PXK: variants seen among roughly 807,000 people sequenced by gnomAD.
PXK encodes the protein PX domain containing serine/threonine kinase like.
PXK carries 35 observed loss-of-function variants against 84.7 expected under a neutral mutation model. The observed-to-expected ratio is 0.41, with a 90% confidence interval of 0.32 to 0.55. The LOEUF is 0.55. PXK is among the 20% of genes least tolerant of loss of function. The probability of loss-of-function intolerance (pLI) is 0.21; values close to 1 mark genes in which losing one functional copy is unlikely to be tolerated. For missense variants in PXK, 634 were observed against 699.7 expected, an observed-to-expected ratio of 0.91 and a Z score of 1.06; for synonymous variants, 253 against 260.8, an observed-to-expected ratio of 0.97 and a Z score of 0.29.
At chr3:58,422,856 C>CGA (rs915647391) in intron 17 of PXK, 8 of 985,320 alleles carry the variant, frequency 8.1e-6, no homozygotes, top group Non-Finnish European at 9.6e-6. Flanking sequence ...CCGCCGCAGC[C>CGA]GAGAGCCTGT....
chr3:58,398,149 C>T lies in PXK; in HGVS notation c.1102+427C>T, dbSNP rs962963264. ...GGCATGGTGGCTCACACCTGTAATC[C>T]CAGCACTTTGGAAGGCCGAGGTGGG... On this transcript the variant is annotated intron_variant, in intron 11 of 17. Transcript: ENST00000356151. The surrounding 1 kb of genome is among the most constrained non-coding windows in gnomAD (Gnocchi z 4.5). Among the ~76,000 whole-genome samples the T allele has an allele frequency of 3.3e-5, 5 of 152,130 alleles. No individual in the cohort carries two copies. The highest frequency in any genetic ancestry group is 1.5e-5 in the Non-Finnish European group (1 of 68,034).
intron 1 of PXK, among the ~76,000 whole-genome samples, chr3:58,340,093 C>G (rs1403640482): frequency 6.6e-6 from 1 of 150,764 alleles, no homozygotes; most frequent in South Asian, 2.1e-4. Flanking sequence ...ACTGGGATTA[C>G]AGGCCCCAGC....
intron 17 of PXK, chr3:58,423,423 G>C (rs1487620250): frequency 1.3e-6 from 2 of 1,522,464 alleles, no homozygotes; most frequent in Non-Finnish European, 1.8e-6. Context: ...AGATTGCAGA[G>C]CATGAGCGTG....
chr3:58,334,070 C>G (rs1378229807), intron 1 of PXK, among the ~76,000 whole-genome samples: 1 of 152,094 alleles, frequency 6.6e-6, no homozygotes, highest in Non-Finnish European at 1.5e-5. Flanking sequence ...GTTTGTTTAC[C>G]ATTGCAGTGT....
rs758233737 is a variant in PXK at position 58,400,998 on chromosome 3, A to C, written c.1181+1621A>C. ...CACACAAACTTTTCTAGCAAAATGC[A>C]CTTGTACTTAGGAAATAGCCTATAT... On this transcript the variant is annotated intron_variant, in intron 12 of 17. Transcript: ENST00000356151. The surrounding 1 kb of genome is among the most constrained non-coding windows in gnomAD (Gnocchi z 4.0). Among the ~76,000 whole-genome samples the C allele has an allele frequency of 6.6e-6, 1 of 152,210 alleles. No homozygotes were observed. Among genetic ancestry groups the C allele is most frequent in the Admixed American group, 6.5e-5 (1 of 15,280 alleles).
intron 1 of PXK, among the ~76,000 whole-genome samples, chr3:58,352,443 G>A (rs1433148241): frequency 1.3e-5 from 2 of 152,160 alleles, no homozygotes; most frequent in Non-Finnish European, 2.9e-5. Flanking sequence ...ACATGTAGTG[G>A]GTAGTTCTCT....
At chr3:58,355,772 G>C (rs1392755835) in intron 1 of PXK, among the ~76,000 whole-genome samples, 1 of 152,186 alleles carries the variant, frequency 6.6e-6, no homozygotes, top group Non-Finnish European at 1.5e-5. Context: ...CTACATCATT[G>C]GGGTGAACCA....
At chr3:58,350,450 G>T (rs1184735207) in intron 1 of PXK, among the ~76,000 whole-genome samples, 3 of 150,756 alleles carry the variant, frequency 2.0e-5, no homozygotes, top group Non-Finnish European at 2.9e-5. Flanking sequence ...GCTTCCCCCT[G>T]ACTTGATAGA....
chr3:58,342,625 A>C (rs1362137461), intron 1 of PXK, among the ~76,000 whole-genome samples: 1 of 116,258 alleles, frequency 8.6e-6, no homozygotes, highest in Non-Finnish European at 1.7e-5. Flanking sequence ...ACAGAGTGAG[A>C]CTCTGTCTCA....
rs1356678481 is a variant in PXK at position 58,399,079 on chromosome 3, A to G, written c.1103-220A>G. Among the ~76,000 whole-genome samples the G allele has an allele frequency of 6.6e-6, 1 of 152,220 alleles. No homozygotes were observed. The highest frequency in any genetic ancestry group is 1.5e-5 in the Non-Finnish European group (1 of 68,034). On this transcript the variant is annotated intron_variant, in intron 11 of 17. Coordinates refer to ENST00000356151, the MANE Select transcript of PXK (RefSeq NM_017771.5). The surrounding 1 kb of genome is among the most constrained non-coding windows in gnomAD (Gnocchi z 4.3). ...TTTGAAATATATTTAGCTTTCTGTC[A>G]GCATGTAGTTTCTAAACCATTTCTT...
At chr3:58,422,880 G>A (rs2062140374) in intron 17 of PXK, 1 of 985,326 alleles carries the variant, frequency 1.0e-6, no homozygotes, top group Non-Finnish European at 1.2e-6. Flanking sequence ...TAACTGCACA[G>A]TGATTCTTCT....
chr3:58,388,436 TTGATATGA>T (rs1372481703), intron 4 of PXK, among the ~76,000 whole-genome samples: 1 of 152,246 alleles, frequency 6.6e-6, no homozygotes, highest in East Asian at 1.9e-4. Context: ...CTTCTCAAAG[TTGATATGA>T]ATGATTTTCA....
chr3:58,409,409 C>A lies in PXK; in HGVS notation c.1309-123C>A. The A allele has an allele frequency of 1.1e-6, 1 of 907,352 alleles. No homozygotes were observed. 56.2% of individuals were successfully genotyped at this position (907,352 alleles called of 1,614,324 possible). A position where few individuals can be genotyped will look rare whatever the true frequency, so the allele number is the denominator to read the frequency against. On this transcript the variant is annotated intron_variant, in intron 14 of 17. Transcript: ENST00000356151. This position sits in a 1 kb window ranked among gnomAD's most constrained non-coding sequence, Gnocchi z 4.2. ...CAGACCCGAGCCAGGAAGTAGACAG[C>A]CTGAGCAAGGAAAGATTTTCTTTTA...
intron 6 of PXK, 129 bp from the exon 7 acceptor site, chr3:58,391,644 G>A: frequency 1.2e-6 from 1 of 825,818 alleles, no homozygotes; most frequent in Non-Finnish European, 2.0e-6. Flanking sequence ...TCTTGAGGCA[G>A]CCAGACTTAG....
intron 17 of PXK, among the ~76,000 whole-genome samples, chr3:58,415,375 C>T (rs772978332): frequency 1.2e-4 from 18 of 152,302 alleles, no homozygotes; most frequent in East Asian, 1.9e-4. Flanking sequence ...GAGTTCCCAC[C>T]GTTAATTTGC....
chr3:58,423,147 T>TA, intron 17 of PXK: 9 of 985,336 alleles, frequency 9.1e-6, no homozygotes, highest in Non-Finnish European at 1.1e-5. Context: ...GGTATTTCAC[T>TA]GGTTGCTCTC....
rs2060400908 is a variant in PXK, at chr3:58,412,832, C to CAA, written c.1466-69_1466-68insAA. ...TGTAGATTCTCAGACAGCAGTGGGT[C>CAA]CCAGCCTGGGCCAAATTCCAAATGT... is the stretch of plus-strand genomic sequence containing the variant. On this transcript the variant is annotated intron_variant, in intron 16 of 17. Coordinates refer to ENST00000356151, the MANE Select transcript of PXK (RefSeq NM_017771.5). This position sits in a 1 kb window ranked among gnomAD's most constrained non-coding sequence, Gnocchi z 6.2. 1 of 1,522,716 alleles carries CAA rather than the reference C, an allele frequency of 6.6e-7. No homozygotes were observed. 94.3% of individuals were successfully genotyped at this position (1,522,716 alleles called of 1,614,324 possible).
chr3:58,392,664 C>CTTT (rs35624263), intron 7 of PXK, among the ~76,000 whole-genome samples: 1 of 143,960 alleles, frequency 6.9e-6, no homozygotes, highest in African/African-American at 2.6e-5. Context: ...TTCTAAATTT[C>CTTT]TTTTTTTTTT....
chr3:58,408,461 A>T (rs1424947342), intron 13 of PXK, among the ~76,000 whole-genome samples: 1 of 151,966 alleles, frequency 6.6e-6, no homozygotes, highest in East Asian at 1.9e-4. Flanking sequence ...TGTGTTAGGG[A>T]TACCAAAAGT....
Sources: gnomAD v4.1 joint callset for allele counts (sites outside exome capture counted in the v4.1 genomes callset) on GRCh38, gnomAD v4.1.1 for gene constraint, Gnocchi (gnomAD v3.1) non-coding constraint, MANE v1.5 for transcripts, NCBI Gene and HGNC (gene_info 2026-07-23, HGNC 2026-07-21) for gene names.